The following L1CAM variants were observed in gnomAD, a reference collection of about 807,000 sequenced individuals.
L1CAM encodes the protein neural cell adhesion molecule L1.
A neutral mutation model predicts 93.0 loss-of-function variants in L1CAM; 8 were observed. That is an observed-to-expected ratio of 0.09 (90% CI 0.05 to 0.16). The LOEUF (loss-of-function observed/expected upper bound fraction) is 0.16. Among genes scored for constraint, L1CAM ranks in the 10% least tolerant of loss-of-function variants. The pLI is 1.00. For missense variants in L1CAM, 777 were observed against 1,073.4 expected (o/e 0.72, Z 3.86); for synonymous variants, 453 against 453.0 (o/e 1.00, Z 0.00).
rs782704341 is a variant in L1CAM, at chrX:153,870,793, C to T, written c.691G>A (p.Ala231Thr). The T allele has an allele frequency of 3.3e-6, 4 of 1,208,056 alleles. No homozygotes were observed. The Admixed American group carries it at 6.6e-5, about 20-fold the overall frequency. Residue 231 changes from alanine (A) to threonine (T), a missense_variant, in exon 7 of 29, where the codon GCC (alanine) becomes ACC (threonine). Transcript: ENST00000370060. ...GTGCAGAGCCTCTGAGACTCACTGG[C>T]CTTGACCCGGAGGTCAATGGGTTCC... ...QKEPIDLRVK[A>T]TNSMIDRKPR...
chrX:153,866,678 T>C lies in L1CAM; in HGVS notation c.2402A>G (p.Gln801Arg). 1 of 1,211,125 alleles carries C rather than the reference T, an allele frequency of 8.3e-7. No homozygotes were observed. The highest frequency in any genetic ancestry group is 1.1e-6 in the Non-Finnish European group (1 of 894,843). Residue 801 changes from glutamine (Q) to arginine (R), a missense_variant, in exon 19 of 29, where the codon CAG becomes CGG. Coordinates refer to ENST00000370060, the MANE Select transcript of L1CAM (RefSeq NM_001278116.2). ...CTCTCCAGAGTAGCCGATAGTGACC[T>C]GGGGCTCTGGTCCCTTGCCCTGGCT... Reference protein sequence around the residue: ...VNSQGKGPEPQVTIGYSGEDY... With the variant: ...VNSQGKGPEPRVTIGYSGEDY...
Position 153,869,899 on chromosome X carries a change from G to C in L1CAM, c.1027C>G (p.Leu343Val). 1 of 1,210,102 alleles carries C rather than the reference G, an allele frequency of 8.3e-7. No individual in the cohort carries two copies. The highest frequency in any genetic ancestry group is 2.2e-5 in the Admixed American group (1 of 45,937). The change falls in exon 10 of 29, where the codon CTA becomes GTA. Residue 343 changes from leucine to valine, a missense_variant. Physicochemically the swap from Leu to Val is conservative, Grantham distance 32. Around this residue, in one of 5 missense-constraint regions of L1CAM, gnomAD observed 574 missense variants for 781.0 expected, o/e 0.73. Transcript: ENST00000370060. ...CGGGCAGTCTCTCCTGGCCCATATA[G>C]ATGGCTCTGGGGCTTGTGCAGCCAG... is the stretch of plus-strand genomic sequence containing the variant. ...PYWLHKPQSH[L>V]YGPGETARLD...
intron 20 of L1CAM, 50 bp downstream of exon 20, chrX:153,865,654 G>A (rs200256871): frequency 3.5e-5 from 37 of 1,046,140 alleles, no homozygotes; most frequent in Non-Finnish European, 4.8e-5. Flanking sequence ...CCATCCTGTC[G>A]CTTTACCTCA....
At chrX:153,863,324 A>T in intron 28 of L1CAM, 44 bp downstream of exon 28, 1 of 1,191,222 alleles carries the variant, frequency 8.4e-7, no homozygotes. Context: ...CATTGTCTAT[A>T]GGGAGACCTT....
At position 153,865,392 on chromosome X, in the gene L1CAM, G is replaced by T. The variant is rs782814242; in HGVS notation, c.2656C>A (p.Arg886=). The T allele has an allele frequency of 1.7e-6, 2 of 1,209,332 alleles. No individual in the cohort carries two copies. The highest frequency in any genetic ancestry group is 3.0e-5 in the East Asian group (1 of 33,752). ...NTTSVILSGL[R]PYSSYHLEVQ... is the part of the protein sequence containing the mutation. ...TCCAGGTGGTAGGAGCTATAGGGCC[G>T]CAAGCCACTGAGGATGACACTGGTG... Residue 886 remains arginine (R), a synonymous_variant, in exon 21 of 29, where the codon CGG becomes AGG. Coordinates refer to ENST00000370060, the MANE Select transcript of L1CAM (RefSeq NM_001278116.2).
At chrX:153,878,856 G>A (rs938055464) in intron 1 of L1CAM, among the ~76,000 whole-genome samples, 1 of 110,505 alleles carries the variant, frequency 9.0e-6, no homozygotes, top group South Asian at 3.9e-4. Context: ...CCCGCTCCCT[G>A]CCCCATCCCA....
chrX:153,883,812 ACT>A, intron 1 of L1CAM: 1 of 341,221 alleles, frequency 2.9e-6, no homozygotes, highest in South Asian at 2.6e-5. Flanking sequence ...AGCCTGGGCC[ACT>A]CTGCGAGGCC....
chrX:153,866,534 A>G, intron 19 of L1CAM, 115 bp downstream of exon 19: 1 of 526,732 alleles, frequency 1.9e-6, no homozygotes, highest in Admixed American at 3.2e-5. Flanking sequence ...TGGTTATGTA[A>G]GAGAATATCC....
rs886039409 is a variant in L1CAM at position 153,867,401 on chromosome X, C to T, written c.2092G>A (p.Gly698Arg). 1 of 1,210,441 alleles carries T rather than the reference C, an allele frequency of 8.3e-7. No individual in the cohort carries two copies. The highest frequency in any genetic ancestry group is 1.1e-6 in the Non-Finnish European group (1 of 894,822). The stretch of plus-strand genomic sequence containing the variant: ...GTCTCAGAGACCGGGCTGGGCTCCC[C>T]GGGGCCATATTTGTTTATGGCAGTA... ...RVTAINKYGP[G>R]EPSPVSETVV... The change falls in exon 17 of 29, where the codon GGG (glycine) becomes AGG (arginine). Residue 698 changes from glycine (G) to arginine (R), a missense_variant. Transcript: ENST00000370060.
chrX:153,873,278 G>A (rs2064788852), intron 2 of L1CAM, 36 bp from the exon 3 acceptor site: 5 of 1,195,285 alleles, frequency 4.2e-6, no homozygotes, highest in Non-Finnish European at 4.5e-6. Context: ...GGAGGGAATG[G>A]AGAGAAATAC....
chrX:153,868,559 AC>A lies in L1CAM; in HGVS notation c.1546+1del. 1 of 1,212,000 alleles carries A rather than the reference AC, an allele frequency of 8.3e-7. No homozygotes were observed. Among genetic ancestry groups the A allele is most frequent in the South Asian group, 1.8e-5 (1 of 56,999 alleles). On this transcript the variant is annotated splice_donor_variant, in intron 13 of 28. Coordinates refer to ENST00000370060, the MANE Select transcript of L1CAM (RefSeq NM_001278116.2). LOFTEE classifies it high-confidence loss of function. ...CCAGCCATGTGGCAAGGGTTGCCTG[AC>A]CTTTAACCTTCAGGTTAGCCATGAT... is the stretch of plus-strand genomic sequence containing the variant.
chrX:153,863,486 C>A lies in L1CAM; in HGVS notation c.3521G>T (p.Gly1174Val). Residue 1174 changes from glycine (G) to valine (V), a missense_variant, in exon 27 of 29, where the codon GGC becomes GTC. Gly to Val is a moderately radical substitution (Grantham distance 109). Coordinates refer to ENST00000370060, the MANE Select transcript of L1CAM (RefSeq NM_001278116.2). ...TCCTGCCCCGGCTCACCTGTACTCGCCGAAGGTCTCATCTTTCATCGGTCG... is the reference window on the plus strand; with the variant it reads ...TCCTGCCCCGGCTCACCTGTACTCGACGAAGGTCTCATCTTTCATCGGTCG... ...EARPMKDETF[G>V]EYRSLESDNE... The A allele has an allele frequency of 8.3e-7, 1 of 1,211,540 alleles. No homozygotes were observed. Among genetic ancestry groups the A allele is most frequent in the Non-Finnish European group, 1.1e-6 (1 of 895,258 alleles).
intron 26 of L1CAM, 38 bp downstream of exon 26, chrX:153,863,845 C>T: frequency 8.3e-7 from 1 of 1,210,878 alleles, no homozygotes; most frequent in Non-Finnish European, 1.1e-6. Context: ...CCTCTCTGCC[C>T]TCGGCTCCAC....
chrX:153,870,399 G>A lies in L1CAM; in HGVS notation c.795C>T (p.Ile265=), dbSNP rs141383999. The change falls in exon 8 of 29, where the codon ATC becomes ATT. Residue 265 remains isoleucine, a synonymous_variant. Coordinates refer to ENST00000370060, the MANE Select transcript of L1CAM (RefSeq NM_001278116.2). The part of the protein sequence containing the change: ...LQGQPLVLEC[I]AEGFPTPTIK... Reference sequence around the variant, plus strand: ...GTTCCCAGACTCACAAGCCCTCGGCGATGCACTCCAGGACCAATGGCTGCC... The same window carrying A: ...GTTCCCAGACTCACAAGCCCTCGGCAATGCACTCCAGGACCAATGGCTGCC... 42 of 1,208,672 alleles carry A rather than the reference G, an allele frequency of 3.5e-5. No individual in the cohort carries two copies. Among genetic ancestry groups the A allele is most frequent in the Non-Finnish European group, 4.5e-5 (40 of 893,156 alleles).
chrX:153,865,327 G>T lies in L1CAM; in HGVS notation c.2721C>A (p.Ser907Arg), dbSNP rs200799618. ...AFNGRGSGPA[S>R]EFTFSTPEGV... Reference sequence around the variant, plus strand: ...CCTCTGGGGTGCTGAAGGTGAACTCGCTGGCGGGCCCCGATCCTCGCCCGT... The same window carrying T: ...CCTCTGGGGTGCTGAAGGTGAACTCTCTGGCGGGCCCCGATCCTCGCCCGT... The change falls in exon 21 of 29, where the codon AGC (serine) becomes AGA (arginine). Residue 907 changes from serine to arginine, a missense_variant. By Grantham distance (110) the Ser-to-Arg change is moderately radical (BLOSUM62 -1). Coordinates refer to ENST00000370060, the MANE Select transcript of L1CAM (RefSeq NM_001278116.2). 1 of 1,210,957 alleles carries T rather than the reference G, an allele frequency of 8.3e-7. No homozygotes were observed. Among genetic ancestry groups the T allele is most frequent in the Admixed American group, 2.2e-5 (1 of 46,078 alleles).
At position 153,882,237 on chromosome X, in the gene L1CAM, G is replaced by C. The variant is rs12689505; in HGVS notation, c.-109+3828C>G. ...GGGCCTCTGTGATCCCCAGGGCTTGGGCATTCCTAAGTCATGAACACAGAC... is the reference window on the plus strand; with the variant it reads ...GGGCCTCTGTGATCCCCAGGGCTTGCGCATTCCTAAGTCATGAACACAGAC... On this transcript the variant is annotated intron_variant, in intron 1 of 28. Transcript: ENST00000370060. Among the ~76,000 whole-genome samples the C allele has an allele frequency of 0.016, 1,811 of 111,430 alleles. 96 individuals carry two copies. The East Asian group carries it at 0.22, about 14-fold the overall frequency.
intron 19 of L1CAM, among the ~76,000 whole-genome samples, chrX:153,866,183 C>T (rs1257532233): frequency 4.6e-5 from 5 of 109,019 alleles, no homozygotes; most frequent in African/African-American, 1.7e-4. Flanking sequence ...TGTGGTGGCG[C>T]GTGCCTGTAA....
At chrX:153,873,207 T>C (rs782712823) in intron 3 of L1CAM, 21 bp downstream of exon 3, 5 of 1,207,190 alleles carry the variant, frequency 4.1e-6, no homozygotes, top group Non-Finnish European at 5.6e-6. Flanking sequence ...TGGGAAACAC[T>C]CTCACCCCTC....
In L1CAM at chrX:153,870,190, T is replaced by C; in HGVS notation, c.857A>G (p.Asp286Gly). Reference protein sequence around the residue: ...WLRPSGPMPADRVTYQNHNKT... With the variant: ...WLRPSGPMPAGRVTYQNHNKT... Reference sequence around the variant, plus strand: ...GTTGTGGTTCTGGTAGGTGACACGGTCGGCTGGCATGGGGCCACTGGGGCG... The same window carrying C: ...GTTGTGGTTCTGGTAGGTGACACGGCCGGCTGGCATGGGGCCACTGGGGCG... Residue 286 changes from aspartate to glycine, a missense_variant, in exon 9 of 29, where the codon GAC becomes GGC. Coordinates refer to ENST00000370060, the MANE Select transcript of L1CAM (RefSeq NM_001278116.2). The C allele has an allele frequency of 2.5e-6, 3 of 1,211,861 alleles. No homozygotes were observed. Among genetic ancestry groups the C allele is most frequent in the Non-Finnish European group, 2.2e-6 (2 of 895,407 alleles).
Sources: allele counts gnomAD v4.1 joint callset (sites outside exome capture counted in the v4.1 genomes callset), GRCh38; gene constraint gnomAD v4.1.1; regional missense constraint gnomAD v4.1.1; transcripts MANE v1.5; gene names NCBI Gene and HGNC (gene_info 2026-07-23, HGNC 2026-07-21).